Variants in ENTREP2 observed in about 807,000 individuals in gnomAD.
ENTREP2 encodes endosomal transmembrane epsin interactor 2.
At chr15:29,325,245 C>T in the ENTREP2 span, among the ~76,000 whole-genome samples, 1 of 151,738 alleles carries the variant, frequency 6.6e-6, no homozygotes, top group Non-Finnish European at 1.5e-5. Context: ...CGTTTATAAC[C>T]AATAATATAA....
the ENTREP2 span, chr15:29,381,700 C>G: frequency 1.4e-5 from 18 of 1,266,836 alleles, no homozygotes; most frequent in Non-Finnish European, 2.0e-5. Flanking sequence ...CTCTTCGCCA[C>G]TGCCTCCAAC....
the ENTREP2 span, among the ~76,000 whole-genome samples, chr15:29,307,295 A>G: frequency 6.6e-6 from 1 of 152,184 alleles, no homozygotes; most frequent in Admixed American, 6.5e-5. Flanking sequence ...AACATAAAAA[A>G]AAAAAACCTG....
chr15:29,484,225 A>G, the ENTREP2 span, among the ~76,000 whole-genome samples: 1 of 152,208 alleles, frequency 6.6e-6, no homozygotes, highest in African/African-American at 2.4e-5. Context: ...TTAAAACAGA[A>G]AGCTACCCTA....
chr15:29,317,813 G>A, the ENTREP2 span, among the ~76,000 whole-genome samples: 5 of 152,188 alleles, frequency 3.3e-5, no homozygotes, highest in African/African-American at 9.6e-5. Context: ...GCCTTCATCC[G>A]ACCCGGGTGG....
the ENTREP2 span, among the ~76,000 whole-genome samples, chr15:29,130,304 G>A: frequency 6.6e-6 from 1 of 152,186 alleles, no homozygotes; most frequent in South Asian, 2.1e-4. Flanking sequence ...CGGTGAGGGA[G>A]AATTCACCCC....
At chr15:29,168,180 T>C in the ENTREP2 span, among the ~76,000 whole-genome samples, 1 of 152,052 alleles carries the variant, frequency 6.6e-6, no homozygotes, top group Admixed American at 6.6e-5. Context: ...ATGGGGAGAA[T>C]AGTGGGAGGC....
At chr15:29,208,327 C>T in the ENTREP2 span, among the ~76,000 whole-genome samples, 31 of 152,256 alleles carry the variant, frequency 2.0e-4, no homozygotes, top group Middle Eastern at 3.4e-3. Context: ...TGTTTATGAC[C>T]AAATACATAA....
the ENTREP2 span, among the ~76,000 whole-genome samples, chr15:29,449,692 G>A: frequency 6.6e-6 from 1 of 152,172 alleles, no homozygotes; most frequent in South Asian, 2.1e-4. Context: ...CACCAAACTT[G>A]TTAACAGAAC....
chr15:29,449,240 T>C, the ENTREP2 span, among the ~76,000 whole-genome samples: 1 of 152,190 alleles, frequency 6.6e-6, no homozygotes, highest in East Asian at 1.9e-4. Context: ...TAAAGAGACA[T>C]CTGAAGGCAG....
chr15:29,536,603 C>CA, the ENTREP2 span, among the ~76,000 whole-genome samples: 1,309 of 73,974 alleles, frequency 0.018, 11 homozygotes, highest in African/African-American at 0.029. Context: ...GACTCTGTCT[C>CA]AAAAAAAAAA....
chr15:29,534,019 T>A, the ENTREP2 span, among the ~76,000 whole-genome samples: 1 of 136,874 alleles, frequency 7.3e-6, no homozygotes, highest in African/African-American at 2.8e-5. Context: ...CTGCTGCCTA[T>A]AGAAACGATA....
chr15:29,279,185 G>A, the ENTREP2 span, among the ~76,000 whole-genome samples: 7 of 152,254 alleles, frequency 4.6e-5, no homozygotes, highest in Admixed American at 2.0e-4. Context: ...AGCCCATCAC[G>A]TATGTTGACG....
At chr15:29,438,810 G>A in the ENTREP2 span, among the ~76,000 whole-genome samples, 2 of 152,172 alleles carry the variant, frequency 1.3e-5, no homozygotes, top group Non-Finnish European at 2.9e-5. Flanking sequence ...AGATAGAATT[G>A]CAGGACTGAA....
the ENTREP2 span, among the ~76,000 whole-genome samples, chr15:29,257,811 G>A: frequency 6.6e-6 from 1 of 152,084 alleles, no homozygotes; most frequent in Admixed American, 6.5e-5. Flanking sequence ...AGGATATTTT[G>A]TTCATTTAGG....
chr15:29,501,384 T>A, the ENTREP2 span, among the ~76,000 whole-genome samples: 37 of 152,138 alleles, frequency 2.4e-4, no homozygotes, highest in African/African-American at 8.4e-4. Flanking sequence ...TAAAAATTTA[T>A]CAACATAATA....
chr15:29,219,258 T>G, the ENTREP2 span, among the ~76,000 whole-genome samples: 4 of 151,986 alleles, frequency 2.6e-5, no homozygotes, highest in African/African-American at 9.7e-5. Flanking sequence ...AAAACCATAA[T>G]GCAATACCAT....
At chr15:29,388,506 T>C in the ENTREP2 span, among the ~76,000 whole-genome samples, 2 of 152,210 alleles carry the variant, frequency 1.3e-5, no homozygotes, top group Non-Finnish European at 2.9e-5. Flanking sequence ...GGAACACTTT[T>C]ACACTGTTGT....
the ENTREP2 span, among the ~76,000 whole-genome samples, chr15:29,251,793 A>AT: frequency 1.7e-3 from 133 of 79,208 alleles, no homozygotes; most frequent in Non-Finnish European, 2.2e-3. Flanking sequence ...GTTTTAGTGT[A>AT]TTTTATGTGT....
chr15:29,412,254 A>G, the ENTREP2 span, among the ~76,000 whole-genome samples: 1 of 152,246 alleles, frequency 6.6e-6, no homozygotes. Context: ...ATGTCTTTCA[A>G]TAAAGTTTTA....
Sources: allele counts gnomAD v4.1 joint callset (sites outside exome capture counted in the v4.1 genomes callset), GRCh38; gene constraint gnomAD v4.1.1; transcripts MANE v1.5; gene names NCBI Gene and HGNC (gene_info 2026-07-23, HGNC 2026-07-21).